The following KLC1 variants were observed in gnomAD, a reference collection of about 807,000 sequenced individuals.
KLC1 encodes kinesin light chain 1.
Under a neutral mutation model 84.2 loss-of-function variants are expected in KLC1, and 30 were observed. The observed-to-expected ratio is 0.36, with a 90% CI of 0.27 to 0.48. The LOEUF (loss-of-function observed/expected upper bound fraction) is 0.48, where lower values mean the gene tolerates loss of function less well. KLC1 is among the 20% of genes least tolerant of loss of function. The pLI, the probability that KLC1 is intolerant of heterozygous loss-of-function variation, is 0.99. For synonymous variants in KLC1, 289 were observed against 293.3 expected, an observed-to-expected ratio of 0.99 and a Z score of 0.15; for missense variants, 499 against 805.4, an observed-to-expected ratio of 0.62 and a Z score of 4.60.
At chr14:103,666,464 A>G (rs780999182) in intron 5 of KLC1, among the ~76,000 whole-genome samples, 5 of 152,140 alleles carry the variant, frequency 3.3e-5, no homozygotes, top group African/African-American at 4.8e-5. Flanking sequence ...CTGGGTTTCT[A>G]ATAAGTTCCA....
chr14:103,694,813 CAG>C lies in KLC1; in HGVS notation c.1848+2391_1848+2392del, dbSNP rs1323008744. The C allele has an allele frequency of 5.2e-5, 51 of 985,508 alleles. No individual in the cohort carries two copies. Among genetic ancestry groups the C allele is most frequent in the African/African-American group, 7.0e-5 (4 of 57,384 alleles). The allele number at this position is 985,508 out of a possible 1,614,324, so 61.0% of individuals were successfully genotyped here. On this transcript the variant is annotated intron_variant, in intron 15 of 16. Transcript: ENST00000334553. The surrounding 1 kb of genome is among the most constrained non-coding windows in gnomAD (Gnocchi z 4.5). ...CCCCGTGGGGCACGAAGGCTGGGGA[CAG>C]AGTGTCCTGAGGTTTTGTTACAAGG...
chr14:103,634,208 T>C (rs1254006326), intron 1 of KLC1, among the ~76,000 whole-genome samples: 1 of 152,180 alleles, frequency 6.6e-6, no homozygotes, highest in Non-Finnish European at 1.5e-5. Flanking sequence ...TTTTTATTGT[T>C]TGTCTCCACT....
At chr14:103,696,095 CCCGCCCCCCG>C (rs1211922645) in intron 15 of KLC1, 23 of 196,998 alleles carry the variant, frequency 1.2e-4, no homozygotes, top group Non-Finnish European at 1.4e-4. Flanking sequence ...TCACTGCGCC[CCCGCCCCCCG>C]CCCCCCCCCA....
At chr14:103,653,364 C>G (rs4900586) in intron 1 of KLC1, among the ~76,000 whole-genome samples, 89,364 of 152,042 alleles carry the variant, frequency 0.59, 27,840 homozygotes, top group Non-Finnish European at 0.71. Flanking sequence ...CTCTGTCACC[C>G]AGGCTGGAGT....
chr14:103,699,395 G>T (rs1250509314), intron 15 of KLC1: 2 of 1,611,304 alleles, frequency 1.2e-6, no homozygotes, highest in Non-Finnish European at 1.7e-6. Flanking sequence ...GCTCTGGAAG[G>T]CACTGCTCAG....
chr14:103,679,639 C>A, intron 13 of KLC1, 94 bp downstream of exon 13: 1 of 885,382 alleles, frequency 1.1e-6, no homozygotes, highest in Non-Finnish European at 1.8e-6. Flanking sequence ...AGACCTTCTG[C>A]TTTTCTCAAA....
At chr14:103,698,874 T>TG (rs1251835140) in intron 15 of KLC1, 6 of 1,605,908 alleles carry the variant, frequency 3.7e-6, no homozygotes, top group Admixed American at 1.7e-5. Context: ...GGGGGGCAGG[T>TG]GGGGGGCAGA....
At position 103,687,070 on chromosome 14, in the gene KLC1, G is replaced by GT. The variant is rs779800438; in HGVS notation, c.1651-4dup. ...CACCTGCAGCTTCACGTTTGTTCAC[G>GT]TTTTTTTCAGGATGGCACTGGATCT... On this transcript the variant is annotated splice_polypyrimidine_tract_variant and intron_variant, in intron 13 of 16. Transcript: ENST00000334553. 3.3e-6 allele frequency: 5 copies of GT among 1,517,728 alleles called. No homozygotes were observed. The highest frequency in any genetic ancestry group is 2.7e-6 in the Non-Finnish European group (3 of 1,120,946). The allele number at this position is 1,517,728 out of a possible 1,614,324, so 94.0% of individuals were successfully genotyped here.
At chr14:103,698,416 G>C (rs2082758004) in intron 15 of KLC1, 1 of 310,698 alleles carries the variant, frequency 3.2e-6, no homozygotes, top group Non-Finnish European at 6.2e-6. Context: ...CCCCAGCCCA[G>C]GGGGCAGGCC....
intron 13 of KLC1, chr14:103,679,778 A>G (rs368463569): frequency 2.1e-6 from 1 of 483,060 alleles, no homozygotes; most frequent in East Asian, 3.3e-5. Flanking sequence ...GAGCACTTAA[A>G]TGCTGATTGA....
In KLC1 at chr14:103,657,696, G is replaced by A. The variant is rs747723209; in HGVS notation, c.412G>A (p.Val138Met). Residue 138 changes from valine to methionine, a missense_variant, in exon 3 of 17, where the codon GTG (valine) becomes ATG (methionine). Coordinates refer to ENST00000334553, the MANE Select transcript of KLC1 (RefSeq NM_001394837.1). ...QQKLQKSEQS[V>M]AQLEEEKKHL... ...GAAACTGCAGAAGAGTGAGCAGTCT[G>A]TGGCTCAACTGGAGGAGGAGAAGAA... 1 of 1,614,182 alleles carries A rather than the reference G, an allele frequency of 6.2e-7. No homozygotes were observed. The highest frequency in any genetic ancestry group is 8.5e-7 in the Non-Finnish European group (1 of 1,180,022).
intron 1 of KLC1, among the ~76,000 whole-genome samples, chr14:103,630,973 G>T (rs914708707): frequency 4.6e-5 from 7 of 152,192 alleles, no homozygotes; most frequent in African/African-American, 9.6e-5. Flanking sequence ...ACATGCACAG[G>T]ACTCTGGACA....
chr14:103,661,514 A>T (rs1337471198), intron 3 of KLC1, among the ~76,000 whole-genome samples: 1 of 152,190 alleles, frequency 6.6e-6, no homozygotes. Flanking sequence ...CCGGAGCCAA[A>T]CAGTGTTCAT....
chr14:103,637,937 C>T (rs913903108), intron 1 of KLC1, among the ~76,000 whole-genome samples: 5 of 152,100 alleles, frequency 3.3e-5, no homozygotes, highest in African/African-American at 1.2e-4. Flanking sequence ...ATGATCTGCT[C>T]TCCTTGGCCT....
chr14:103,655,534 T>A (rs2078766896), intron 2 of KLC1, among the ~76,000 whole-genome samples: 1 of 151,900 alleles, frequency 6.6e-6, no homozygotes, highest in South Asian at 2.1e-4. Context: ...ACTCCCAACC[T>A]CACGTGATCC....
chr14:103,676,416 T>C (rs111969946), intron 11 of KLC1, among the ~76,000 whole-genome samples: 1 of 152,126 alleles, frequency 6.6e-6, no homozygotes, highest in African/African-American at 2.4e-5. Context: ...CTACAGTCTG[T>C]CGCCATGCCT....
chr14:103,657,360 T>C (rs140511492), intron 2 of KLC1, among the ~76,000 whole-genome samples, 186 bp from the exon 3 acceptor site: 19 of 152,340 alleles, frequency 1.2e-4, no homozygotes, highest in African/African-American at 4.1e-4. Context: ...TTCTTTATCA[T>C]ACCCTGCTTT....
chr14:103,651,836 C>A (rs1438468309), intron 1 of KLC1, among the ~76,000 whole-genome samples: 1 of 152,210 alleles, frequency 6.6e-6, no homozygotes, highest in Non-Finnish European at 1.5e-5. Flanking sequence ...TACTTGATAA[C>A]ACTGGCTTCC....
chr14:103,677,609 T>C, intron 12 of KLC1, 86 bp downstream of exon 12: 1 of 800,764 alleles, frequency 1.2e-6, no homozygotes, highest in Non-Finnish European at 2.1e-6. Flanking sequence ...GAAAGCTTGA[T>C]TTAGAAATAG....
Sources: gnomAD v4.1 joint callset for allele counts (sites outside exome capture counted in the v4.1 genomes callset) on GRCh38, gnomAD v4.1.1 for gene constraint, Gnocchi (gnomAD v3.1) non-coding constraint, MANE v1.5 for transcripts, NCBI Gene and HGNC (gene_info 2026-07-23, HGNC 2026-07-21) for gene names.